The following RPS6KA5 variants were observed in gnomAD, a reference collection of about 807,000 sequenced individuals.
RPS6KA5 encodes ribosomal protein S6 kinase alpha-5.
A neutral mutation model predicts 85.5 loss-of-function variants in RPS6KA5; 27 were observed. The observed-to-expected ratio is 0.32, with a 90% CI of 0.23 to 0.44. The LOEUF (loss-of-function observed/expected upper bound fraction) is 0.44, where lower values mean the gene tolerates loss of function less well. RPS6KA5 is among the 20% of genes least tolerant of loss of function. The pLI is 1.00. For synonymous variants in RPS6KA5, 334 were observed against 348.2 expected (o/e 0.96, Z 0.46); for missense variants, 811 against 980.9 (o/e 0.83, Z 2.31).
chr14:90,925,382 C>T lies in RPS6KA5; in HGVS notation c.619-2186G>A, dbSNP rs535770267. 9.8e-4 allele frequency among the ~76,000 whole-genome samples: 150 copies of T among 152,312 alleles called. 1 individual carries two copies. The highest frequency in any genetic ancestry group is 3.5e-3 in the African/African-American group (144 of 41,584). ...AACTACAGAAAAATAAATTCATCTGCTAGCACTCATTCGTTTCTGTCTAGG... is the reference window on the plus strand; with the variant it reads ...AACTACAGAAAAATAAATTCATCTGTTAGCACTCATTCGTTTCTGTCTAGG... On this transcript the variant is annotated intron_variant, in intron 5 of 16. Transcript: ENST00000614987.
At chr14:91,057,959 G>A (rs1018548) in intron 1 of RPS6KA5, among the ~76,000 whole-genome samples, 70,030 of 151,992 alleles carry the variant, frequency 0.46, 16,272 homozygotes, top group Middle Eastern at 0.63. Context: ...TTCATGGGAC[G>A]TTTTTTGCTT....
intron 2 of RPS6KA5, among the ~76,000 whole-genome samples, chr14:90,980,922 A>G (rs1017537758): frequency 6.6e-6 from 1 of 152,238 alleles, no homozygotes. Context: ...CTGTAATCCC[A>G]GCACTTTGGG....
intron 1 of RPS6KA5, among the ~76,000 whole-genome samples, chr14:91,056,588 T>C (rs1595574126): frequency 6.6e-6 from 1 of 152,196 alleles, no homozygotes. Flanking sequence ...CAGACAATGC[T>C]AAGTTTCTGC....
chr14:90,852,457 TGTAA>T lies in RPS6KA5; in HGVS notation c.*19613_*19616del, dbSNP rs1459773865. ...TAAATACCTTAAAAAGAAGCATATA[TGTAA>T]GTATTAGTCCAATCATGTGAAACCC... On this transcript the variant is annotated 3_prime_UTR_variant, in exon 17 of 17. Transcript: ENST00000614987. 21 of 152,296 alleles carry T rather than the reference TGTAA, an allele frequency of 1.4e-4. 1 individual carries two copies. Among genetic ancestry groups the T allele is most frequent in the Admixed American group, 5.2e-4 (8 of 15,292 alleles). The allele number at this position is 152,296 out of a possible 1,614,324, so 9.4% of individuals were successfully genotyped here.
chr14:91,016,348 A>T (rs1328962792), intron 1 of RPS6KA5, among the ~76,000 whole-genome samples: 1 of 152,040 alleles, frequency 6.6e-6, no homozygotes, highest in Non-Finnish European at 1.5e-5. Context: ...GTGGTCAATT[A>T]ATTTTTTTAA....
At chr14:90,909,346 G>T (rs1414273645) in intron 7 of RPS6KA5, among the ~76,000 whole-genome samples, 1 of 152,170 alleles carries the variant, frequency 6.6e-6, no homozygotes, top group African/African-American at 2.4e-5. Context: ...GGAAACTCCA[G>T]AAATGAATTA....
At chr14:90,903,083 G>T (rs35735117) in intron 8 of RPS6KA5, 114 bp from the exon 9 acceptor site, 32,332 of 861,184 alleles carry the variant, frequency 0.038, 817 homozygotes, top group Non-Finnish European at 0.044. Context: ...AAAAATAAGA[G>T]AACATATTTC....
Position 91,001,164 on chromosome 14 carries a change from A to G in RPS6KA5, c.104-5T>C. 1 of 1,587,362 alleles carries G rather than the reference A, an allele frequency of 6.3e-7. No individual in the cohort carries two copies. The highest frequency in any genetic ancestry group is 8.6e-7 in the Non-Finnish European group (1 of 1,166,340). On this transcript the variant is annotated splice_polypyrimidine_tract_variant and splice_region_variant and intron_variant, in intron 1 of 16. Transcript: ENST00000614987. ...CAGCATGTCCTGTCAAATTAGCTAA[A>G]AGAAAAAAAGAGGAAAAAAAAAACA...
chr14:90,884,296 C>G (rs1434711643), intron 14 of RPS6KA5, among the ~76,000 whole-genome samples: 4 of 152,148 alleles, frequency 2.6e-5, no homozygotes, highest in African/African-American at 9.7e-5. Context: ...TTGAGCATCC[C>G]TAACTTGTAA....
chr14:91,000,020 A>G (rs2040715511), intron 2 of RPS6KA5, among the ~76,000 whole-genome samples: 1 of 151,650 alleles, frequency 6.6e-6, no homozygotes. Context: ...CTGGTCTTGA[A>G]CTCCTGGCCT....
chr14:90,892,711 AAGAT>A (rs1370401277), intron 13 of RPS6KA5, among the ~76,000 whole-genome samples: 9 of 152,246 alleles, frequency 5.9e-5, no homozygotes, highest in African/African-American at 9.6e-5. Flanking sequence ...TACCTACCAA[AAGAT>A]AGATAATCAG....
intron 3 of RPS6KA5, among the ~76,000 whole-genome samples, chr14:90,961,659 CTGAGA>C (rs1009427143): frequency 3.3e-5 from 5 of 151,836 alleles, no homozygotes; most frequent in African/African-American, 1.2e-4. Context: ...TCTATGTCTA[CTGAGA>C]TTTTTTTTTT....
Position 91,042,733 on chromosome 14 carries a change from G to A in RPS6KA5, c.103+17599C>T, listed in dbSNP as rs114065959. Among the ~76,000 whole-genome samples, 1,102 of 148,902 alleles carry A rather than the reference G, an allele frequency of 7.4e-3. 9 individuals are homozygous for A. Among genetic ancestry groups the A allele is most frequent in the Middle Eastern group, 0.027 (8 of 292 alleles). ...AAATAATAAAAGCAAGTCTTTTATC[G>A]GACCTCCTAACCCCCCAGGTGCACA... On this transcript the variant is annotated intron_variant, in intron 1 of 16. Coordinates refer to ENST00000614987, the MANE Select transcript of RPS6KA5 (RefSeq NM_004755.4).
chr14:90,921,090 A>G (rs2036380402), intron 6 of RPS6KA5, among the ~76,000 whole-genome samples: 1 of 152,166 alleles, frequency 6.6e-6, no homozygotes, highest in Non-Finnish European at 1.5e-5. Flanking sequence ...TCAGAATTTT[A>G]ATAACTATTG....
At chr14:90,985,982 T>C (rs1389209381) in intron 2 of RPS6KA5, among the ~76,000 whole-genome samples, 1 of 152,200 alleles carries the variant, frequency 6.6e-6, no homozygotes, top group African/African-American at 2.4e-5. Flanking sequence ...GCTGAAAAAT[T>C]AGGTGTGAGT....
chr14:90,914,813 C>A (rs1037272151), intron 7 of RPS6KA5, among the ~76,000 whole-genome samples: 2 of 152,210 alleles, frequency 1.3e-5, no homozygotes, highest in Admixed American at 6.5e-5. Context: ...CCTCTCCTTG[C>A]CATCCCCTCC....
chr14:90,888,201 A>G (rs1190098673), intron 14 of RPS6KA5, among the ~76,000 whole-genome samples: 1 of 152,132 alleles, frequency 6.6e-6, no homozygotes, highest in Non-Finnish European at 1.5e-5. Flanking sequence ...TTTGACAATT[A>G]GATTTAGAGA....
chr14:90,884,950 TG>T (rs1294053510), intron 14 of RPS6KA5, among the ~76,000 whole-genome samples: 1 of 152,114 alleles, frequency 6.6e-6, no homozygotes, highest in Non-Finnish European at 1.5e-5. Flanking sequence ...GGTATGTTTG[TG>T]GCTAAATATA....
intron 3 of RPS6KA5, among the ~76,000 whole-genome samples, chr14:90,963,323 A>G (rs1338731501): frequency 6.6e-6 from 1 of 152,224 alleles, no homozygotes; most frequent in Non-Finnish European, 1.5e-5. Flanking sequence ...CTTTGAGAAC[A>G]TCATTAATGT....
Sources: gnomAD v4.1 joint callset for allele counts (sites outside exome capture counted in the v4.1 genomes callset) on GRCh38, gnomAD v4.1.1 for gene constraint, MANE v1.5 for transcripts, NCBI Gene and HGNC (gene_info 2026-07-23, HGNC 2026-07-21) for gene names.